COL4A2: variants seen among roughly 807,000 people sequenced by gnomAD.
The protein encoded by COL4A2 is collagen alpha-2(IV) chain.
In COL4A2, 99 loss-of-function variants were observed where a neutral mutation model predicts 200.2. That is an observed-to-expected ratio of 0.49 (90% CI 0.42 to 0.58). COL4A2 has a LOEUF of 0.58. Among genes scored for constraint, COL4A2 ranks in the 20% least tolerant of loss-of-function variants. The probability of loss-of-function intolerance (pLI) is 0.00; values close to 1 mark genes in which losing one functional copy is unlikely to be tolerated. For synonymous variants in COL4A2, 897 were observed against 900.6 expected (o/e 1.00, Z 0.07); for missense variants, 1,950 against 2,314.1 (o/e 0.84, Z 3.23).
chr13:110,404,714 G>A (rs1879500444), intron 4 of COL4A2, among the ~76,000 whole-genome samples: 1 of 152,230 alleles, frequency 6.6e-6, no homozygotes, highest in South Asian at 2.1e-4. Flanking sequence ...TGAAGACCAA[G>A]TGGATAGAGA....
intron 29 of COL4A2, chr13:110,473,517 A>G: frequency 4.4e-6 from 1 of 229,764 alleles, no homozygotes; most frequent in Non-Finnish European, 8.4e-6. Context: ...ATGCTTAGTC[A>G]GAGGTGAAGA....
At chr13:110,449,854 A>C (rs1375218635) in intron 19 of COL4A2, 65 bp downstream of exon 19, 1 of 1,475,804 alleles carries the variant, frequency 6.8e-7, no homozygotes, top group East Asian at 2.5e-5. Flanking sequence ...CCTAGCACAC[A>C]CAAGGGAGAC....
At chr13:110,451,196 C>T (rs905830463) in intron 20 of COL4A2, among the ~76,000 whole-genome samples, 6 of 152,164 alleles carry the variant, frequency 3.9e-5, no homozygotes, top group African/African-American at 1.4e-4. Context: ...ACATGCAGTC[C>T]CGCCTGGAGC....
chr13:110,495,596 G>A, intron 40 of COL4A2, 129 bp downstream of exon 40: 1 of 1,227,748 alleles, frequency 8.1e-7, no homozygotes, highest in South Asian at 1.5e-5. Context: ...GTTTTTCTGG[G>A]GAGGACTACC....
chr13:110,325,197 G>A (rs947985971), intron 3 of COL4A2, among the ~76,000 whole-genome samples: 7 of 152,158 alleles, frequency 4.6e-5, no homozygotes, highest in Non-Finnish European at 8.8e-5. Context: ...GGAAATCAAC[G>A]CATTTTTAAT....
intron 16 of COL4A2, among the ~76,000 whole-genome samples, chr13:110,442,087 CAAAAAAA>C (rs10530153): frequency 2.3e-4 from 11 of 47,642 alleles, no homozygotes; most frequent in Admixed American, 8.8e-4. Flanking sequence ...CTCTCTGTCT[CAAAAAAA>C]AAAAAAAAAA....
At chr13:110,461,971 C>A in intron 22 of COL4A2, 143 bp from the exon 23 acceptor site, 1 of 1,244,194 alleles carries the variant, frequency 8.0e-7, no homozygotes, top group Non-Finnish European at 1.1e-6. Flanking sequence ...TCCAGCATCG[C>A]AGAAAGTGCT....
intron 14 of COL4A2, 126 bp downstream of exon 14, chr13:110,438,163 T>C: frequency 4.2e-6 from 3 of 722,800 alleles, no homozygotes; most frequent in Non-Finnish European, 7.2e-6. Context: ...CCCTTGTCCA[T>C]AGCAGAACAG....
At chr13:110,422,696 A>G (rs1594205309) in intron 4 of COL4A2, among the ~76,000 whole-genome samples, 2 of 152,186 alleles carry the variant, frequency 1.3e-5, no homozygotes, top group African/African-American at 4.8e-5. Flanking sequence ...GGGATACATC[A>G]TCTTCCATCC....
intron 12 of COL4A2, among the ~76,000 whole-genome samples, chr13:110,435,815 T>A (rs1880849026): frequency 6.6e-6 from 1 of 152,092 alleles, no homozygotes; most frequent in Non-Finnish European, 1.5e-5. Context: ...TTATAGTTAC[T>A]TAAGATTTTT....
chr13:110,310,239 A>G (rs953257724), intron 3 of COL4A2, among the ~76,000 whole-genome samples: 2 of 152,152 alleles, frequency 1.3e-5, no homozygotes, highest in Non-Finnish European at 2.9e-5. Context: ...AGAGCTTCTC[A>G]AAGTGCAGGC....
At chr13:110,398,865 C>G (rs1879274373) in intron 4 of COL4A2, among the ~76,000 whole-genome samples, 1 of 151,626 alleles carries the variant, frequency 6.6e-6, no homozygotes, top group Admixed American at 6.6e-5. Context: ...TTTTTTTTAA[C>G]AATTTTTTTT....
At chr13:110,404,284 G>A (rs1879483170) in intron 4 of COL4A2, among the ~76,000 whole-genome samples, 1 of 152,176 alleles carries the variant, frequency 6.6e-6, no homozygotes, top group African/African-American at 2.4e-5. Flanking sequence ...CTGTTTAGAT[G>A]CCGACTCATA....
chr13:110,335,367 C>T (rs753474361), intron 3 of COL4A2, among the ~76,000 whole-genome samples: 12 of 152,076 alleles, frequency 7.9e-5, no homozygotes, highest in East Asian at 3.9e-4. Flanking sequence ...ATCATGAGGG[C>T]GGTTTCCCCC....
chr13:110,351,900 A>G (rs1201840225), intron 3 of COL4A2, among the ~76,000 whole-genome samples: 4 of 152,208 alleles, frequency 2.6e-5, no homozygotes, highest in African/African-American at 7.2e-5. Context: ...GCGCCTGGGA[A>G]GCCACTGAGC....
Position 110,313,865 on chromosome 13 carries a change from G to A in COL4A2, c.99+5742G>A, listed in dbSNP as rs60658910. On this transcript the variant is annotated intron_variant, in intron 3 of 47. Transcript: ENST00000360467. Reference sequence around the variant, plus strand: ...CCGGTGCCCCGCGTCCACCCGGCAGGCTCCTACCTCGGTGCTGGGTTCCAG... The same window carrying A: ...CCGGTGCCCCGCGTCCACCCGGCAGACTCCTACCTCGGTGCTGGGTTCCAG... Among the ~76,000 whole-genome samples, 769 of 103,910 alleles carry A rather than the reference G, an allele frequency of 7.4e-3. 53 individuals are homozygous for A. Among genetic ancestry groups the A allele is most frequent in the African/African-American group, 0.011 (262 of 24,254 alleles). 68.2% of individuals were successfully genotyped at this position (103,910 alleles called of 152,430 possible).
At chr13:110,421,973 T>C (rs1472700597) in intron 4 of COL4A2, among the ~76,000 whole-genome samples, 3 of 152,386 alleles carry the variant, frequency 2.0e-5, no homozygotes, top group African/African-American at 7.2e-5. Flanking sequence ...TTTTGGTTAG[T>C]AGCAGATGTT....
At chr13:110,434,084 T>G (rs566669028) in intron 11 of COL4A2, among the ~76,000 whole-genome samples, 15 of 152,268 alleles carry the variant, frequency 9.9e-5, no homozygotes, top group Middle Eastern at 3.4e-3. Context: ...TGGGGCTGCT[T>G]CTTCCATCTG....
At chr13:110,477,892 C>G (rs1882756399) in intron 29 of COL4A2, 111 bp from the exon 30 acceptor site, 2 of 1,111,172 alleles carry the variant, frequency 1.8e-6, no homozygotes, top group African/African-American at 3.2e-5. Context: ...TCTCTAGAGT[C>G]CAGAAAAGCA....
Sources: allele counts gnomAD v4.1 joint callset (sites outside exome capture counted in the v4.1 genomes callset), GRCh38; gene constraint gnomAD v4.1.1; transcripts MANE v1.5; gene names NCBI Gene and HGNC (gene_info 2026-07-23, HGNC 2026-07-21).